ASCC3: variants seen among roughly 807,000 people sequenced by gnomAD.
The protein encoded by ASCC3 is activating signal cointegrator 1 complex subunit 3, also known as ASC-1 complex subunit P200.
Under a neutral mutation model 256.3 loss-of-function variants are expected in ASCC3, and 158 were observed. The observed-to-expected ratio is 0.62, with a 90% CI of 0.54 to 0.70. The LOEUF (loss-of-function observed/expected upper bound fraction) is 0.70. Ranked by LOEUF, ASCC3 falls within the 30% of genes least tolerant of loss-of-function variation. The pLI, the probability that ASCC3 is intolerant of heterozygous loss-of-function variation, is 0.00. For synonymous variants in ASCC3, 948 were observed against 883.4 expected, an observed-to-expected ratio of 1.07 and a Z score of -1.30; for missense variants, 2,259 against 2,626.0, an observed-to-expected ratio of 0.86 and a Z score of 3.05.
intron 14 of ASCC3, among the ~76,000 whole-genome samples, chr6:100,673,210 T>C (rs1042955907): frequency 2.0e-5 from 3 of 152,016 alleles, no homozygotes; most frequent in Non-Finnish European, 4.4e-5. Flanking sequence ...ATAAATCTCA[T>C]CTAAAATTGC....
At chr6:100,677,782 T>C (rs1368122032) in intron 14 of ASCC3, among the ~76,000 whole-genome samples, 1 of 151,688 alleles carries the variant, frequency 6.6e-6, no homozygotes, top group African/African-American at 2.4e-5. Flanking sequence ...CTAATAATAG[T>C]TGGATCAGGA....
chr6:100,574,128 T>A (rs116585750), intron 36 of ASCC3, among the ~76,000 whole-genome samples: 2,109 of 152,204 alleles, frequency 0.014, 39 homozygotes, highest in African/African-American at 0.048. Context: ...CTAGTATAAA[T>A]CTCCTTAAAA....
rs148000176 is a variant in ASCC3, at chr6:100,632,083, TA to T, written c.4123-871del. Among the ~76,000 whole-genome samples, 1,074 of 140,238 alleles carry T rather than the reference TA, an allele frequency of 7.7e-3. 30 individuals are homozygous for T. In the East Asian group the frequency reaches 0.086, roughly 11 times the overall value. 92.0% of individuals were successfully genotyped at this position (140,238 alleles called of 152,430 possible). ...GAACAAGAAAACTCTAAATACTACA[TA>T]AAAAAACTGTTAGAATTAATAAACA... On this transcript the variant is annotated intron_variant, in intron 25 of 41. Coordinates refer to ENST00000369162, the MANE Select transcript of ASCC3 (RefSeq NM_006828.4).
At chr6:100,584,909 C>T (rs1771562282) in intron 36 of ASCC3, among the ~76,000 whole-genome samples, 1 of 152,048 alleles carries the variant, frequency 6.6e-6, no homozygotes. Context: ...ATATTGGCCC[C>T]CACTCTCTTC....
intron 36 of ASCC3, among the ~76,000 whole-genome samples, chr6:100,582,487 C>T (rs1225883514): frequency 2.0e-5 from 3 of 151,622 alleles, no homozygotes; most frequent in Non-Finnish European, 4.4e-5. Context: ...AGATTTTGGG[C>T]TGAGACAATG....
chr6:100,820,778 A>C (rs1771002001), intron 4 of ASCC3, among the ~76,000 whole-genome samples: 1 of 152,158 alleles, frequency 6.6e-6, no homozygotes, highest in Non-Finnish European at 1.5e-5. Context: ...ATGAACTCTT[A>C]TAACTCAGTA....
At chr6:100,820,805 A>T (rs943462893) in intron 4 of ASCC3, among the ~76,000 whole-genome samples, 1 of 152,186 alleles carries the variant, frequency 6.6e-6, no homozygotes, top group Non-Finnish European at 1.5e-5. Flanking sequence ...AGAAAACCCA[A>T]TATAAAAATG....
intron 4 of ASCC3, among the ~76,000 whole-genome samples, chr6:100,837,699 G>A (rs1456094031): frequency 6.6e-6 from 1 of 152,066 alleles, no homozygotes; most frequent in Non-Finnish European, 1.5e-5. Context: ...TAGAAGGAGA[G>A]AGTACAATAG....
chr6:100,594,475 C>A (rs1048908443), intron 34 of ASCC3, among the ~76,000 whole-genome samples: 4 of 152,078 alleles, frequency 2.6e-5, no homozygotes, highest in African/African-American at 9.7e-5. Context: ...TGGTTTGCTT[C>A]CAGCTTTTGG....
chr6:100,728,583 TCAAAAA>T (rs1779747772), intron 10 of ASCC3, among the ~76,000 whole-genome samples: 1 of 151,468 alleles, frequency 6.6e-6, no homozygotes, highest in Non-Finnish European at 1.5e-5. Context: ...TACTCCAAAA[TCAAAAA>T]CAAACCAAAT....
At chr6:100,649,943 T>C (rs1447310444) in intron 20 of ASCC3, among the ~76,000 whole-genome samples, 1 of 151,580 alleles carries the variant, frequency 6.6e-6, no homozygotes, top group Non-Finnish European at 1.5e-5. Flanking sequence ...GTTTATACCA[T>C]GGTATTTTTT....
chr6:100,680,301 A>G (rs750799576), intron 13 of ASCC3, among the ~76,000 whole-genome samples: 14 of 152,180 alleles, frequency 9.2e-5, no homozygotes, highest in Non-Finnish European at 1.9e-4. Context: ...GACTGGGGAT[A>G]TCTGAACTAG....
intron 8 of ASCC3, among the ~76,000 whole-genome samples, chr6:100,786,874 TA>T (rs1769107342): frequency 6.6e-6 from 1 of 152,180 alleles, no homozygotes; most frequent in East Asian, 1.9e-4. Context: ...AATTGAGTCT[TA>T]AAAATGGGTC....
intron 10 of ASCC3, among the ~76,000 whole-genome samples, chr6:100,762,391 C>T (rs1211420535): frequency 6.6e-6 from 1 of 152,126 alleles, no homozygotes; most frequent in African/African-American, 2.4e-5. Flanking sequence ...CTCAATGGAA[C>T]CACTGAAAAG....
At chr6:100,779,577 T>G (rs554789405) in intron 8 of ASCC3, among the ~76,000 whole-genome samples, 1 of 152,310 alleles carries the variant, frequency 6.6e-6, no homozygotes, top group Non-Finnish European at 1.5e-5. Context: ...TGATTCATAT[T>G]TTACATGAGT....
chr6:100,591,982 T>A (rs543628669), intron 34 of ASCC3, among the ~76,000 whole-genome samples: 59 of 152,082 alleles, frequency 3.9e-4, no homozygotes, highest in African/African-American at 1.1e-3. Flanking sequence ...TGCTTTATTT[T>A]GTTTACTGTA....
chr6:100,586,700 T>G (rs1364073168), intron 36 of ASCC3, among the ~76,000 whole-genome samples: 3 of 152,286 alleles, frequency 2.0e-5, no homozygotes, highest in East Asian at 3.9e-4. Context: ...GCTGTAGACC[T>G]GAGCTGTTCC....
intron 13 of ASCC3, among the ~76,000 whole-genome samples, chr6:100,703,083 T>C (rs1033273736): frequency 3.9e-5 from 6 of 152,016 alleles, no homozygotes; most frequent in African/African-American, 9.7e-5. Context: ...TTTCTAAATA[T>C]CATAAATGTT....
chr6:100,839,742 C>T (rs564128405), intron 4 of ASCC3, among the ~76,000 whole-genome samples: 1 of 152,168 alleles, frequency 6.6e-6, no homozygotes, highest in South Asian at 2.1e-4. Flanking sequence ...ATTTTTTACC[C>T]AGAAATCCTA....
Sources: allele counts gnomAD v4.1 joint callset (sites outside exome capture counted in the v4.1 genomes callset), GRCh38; gene constraint gnomAD v4.1.1; transcripts MANE v1.5; gene names NCBI Gene and HGNC (gene_info 2026-07-23, HGNC 2026-07-21).